Variants in EPB41L4B observed in about 807,000 individuals in gnomAD.
EPB41L4B encodes the protein erythrocyte membrane protein band 4.1 like 4B.
Under a neutral mutation model 112.5 loss-of-function variants are expected in EPB41L4B, and 30 were observed. The ratio of observed to expected loss-of-function variants is 0.27; its 90% CI spans 0.20 to 0.36. The LOEUF (loss-of-function observed/expected upper bound fraction) is 0.36. Among genes scored for constraint, EPB41L4B ranks in the 10% least tolerant of loss-of-function variants. EPB41L4B has a pLI of 1.00. For synonymous variants in EPB41L4B, 408 were observed against 439.7 expected (o/e 0.93, Z 0.90); for missense variants, 1,024 against 1,133.3 (o/e 0.90, Z 1.38).
At chr9:109,247,883 C>A in intron 13 of EPB41L4B, 94 bp from the exon 14 acceptor site, 1 of 1,017,154 alleles carries the variant, frequency 9.8e-7, no homozygotes, top group Non-Finnish European at 1.4e-6. Context: ...ATGAACTATT[C>A]CTATGTGCTA....
At chr9:109,231,244 A>AT in intron 15 of EPB41L4B, among the ~76,000 whole-genome samples, 1 of 152,084 alleles carries the variant, frequency 6.6e-6, no homozygotes, top group South Asian at 2.1e-4. Context: ...AACTTTTCCA[A>AT]TTTGTATTTC....
chr9:109,273,521 A>G (rs1412326733), intron 2 of EPB41L4B, among the ~76,000 whole-genome samples: 1 of 152,172 alleles, frequency 6.6e-6, no homozygotes, highest in Non-Finnish European at 1.5e-5. Context: ...TGCTGGGATT[A>G]CAGACGTGAG....
At chr9:109,286,028 A>C (rs1412261296) in intron 1 of EPB41L4B, among the ~76,000 whole-genome samples, 1 of 152,076 alleles carries the variant, frequency 6.6e-6, no homozygotes, top group Non-Finnish European at 1.5e-5. Context: ...CTCCCTGAGG[A>C]CAGGGACCAG....
rs1293167779 is a variant in EPB41L4B at position 109,173,374 on chromosome 9, G to C, written c.*1180C>G. 1 of 151,642 alleles carries C rather than the reference G, an allele frequency of 6.6e-6. No individual in the cohort carries two copies. The highest frequency in any genetic ancestry group is 1.9e-4 in the East Asian group (1 of 5,184). 9.4% of individuals were successfully genotyped at this position (151,642 alleles called of 1,614,324 possible). On this transcript the variant is annotated 3_prime_UTR_variant, in exon 26 of 26. Coordinates refer to ENST00000374566, the MANE Select transcript of EPB41L4B (RefSeq NM_019114.5). Reference sequence around the variant, plus strand: ...TCTTTGACCTTGTAATCCCTCTTTGGAGATATTCCTAAGGGAATAATCCAA... The same window carrying C: ...TCTTTGACCTTGTAATCCCTCTTTGCAGATATTCCTAAGGGAATAATCCAA...
intron 25 of EPB41L4B, 21 bp from the exon 26 acceptor site, chr9:109,174,644 A>G (rs760976776): frequency 9.3e-6 from 15 of 1,608,180 alleles, no homozygotes; most frequent in Non-Finnish European, 1.3e-5. Context: ...GTATGTGACA[A>G]AATAGTGAGA....
At chr9:109,318,150 C>CGTGTGTGTGTGTGTGTGT (rs3983533) in intron 1 of EPB41L4B, among the ~76,000 whole-genome samples, 1 of 149,482 alleles carries the variant, frequency 6.7e-6, no homozygotes, top group African/African-American at 2.5e-5. Flanking sequence ...GGGGCATATA[C>CGTGTGTGTGTGTGTGTGT]GTGTGTGTGT....
chr9:109,247,875 G>A, intron 13 of EPB41L4B, 86 bp from the exon 14 acceptor site: 1 of 1,102,832 alleles, frequency 9.1e-7, no homozygotes, highest in Non-Finnish European at 1.3e-6. Flanking sequence ...TAACAATCAT[G>A]AACTATTCCT....
At chr9:109,318,096 A>T (rs1239711219) in intron 1 of EPB41L4B, among the ~76,000 whole-genome samples, 3 of 152,010 alleles carry the variant, frequency 2.0e-5, no homozygotes, top group African/African-American at 7.3e-5. Context: ...CTGAGAGCTC[A>T]CGTGACACAA....
At chr9:109,176,042 A>T (rs886272206) in intron 25 of EPB41L4B, among the ~76,000 whole-genome samples, 61 of 32,406 alleles carry the variant, frequency 1.9e-3, no homozygotes, top group South Asian at 3.0e-3. Flanking sequence ...TGTCAATATC[A>T]CACACACGCA....
At chr9:109,283,247 G>A (rs142782275) in intron 1 of EPB41L4B, among the ~76,000 whole-genome samples, 1 of 152,336 alleles carries the variant, frequency 6.6e-6, no homozygotes, top group Non-Finnish European at 1.5e-5. Context: ...GACTTGTGTA[G>A]TGTTACCAGG....
chr9:109,241,918 A>G (rs1209562285), intron 15 of EPB41L4B: 1 of 1,070,000 alleles, frequency 9.3e-7, no homozygotes. Flanking sequence ...ACCATGAGCC[A>G]TGTGAATGGG....
At chr9:109,303,914 A>G (rs1339512413) in intron 1 of EPB41L4B, among the ~76,000 whole-genome samples, 1 of 152,022 alleles carries the variant, frequency 6.6e-6, no homozygotes, top group African/African-American at 2.4e-5. Context: ...TTCTCTTCCT[A>G]TTCAAGCAAC....
At chr9:109,217,910 A>T (rs12379284) in intron 15 of EPB41L4B, among the ~76,000 whole-genome samples, 6 of 84,382 alleles carry the variant, frequency 7.1e-5, no homozygotes, top group Non-Finnish European at 1.6e-4. Context: ...ACCTCCTTTT[A>T]AAAAAAAAAC....
intron 1 of EPB41L4B, among the ~76,000 whole-genome samples, chr9:109,305,682 G>C (rs896181044): frequency 5.9e-5 from 9 of 152,030 alleles, no homozygotes; most frequent in African/African-American, 2.2e-4. Flanking sequence ...TAGCACTTTG[G>C]GAGGCTGCGG....
At chr9:109,201,716 G>T (rs1325216502) in intron 19 of EPB41L4B, among the ~76,000 whole-genome samples, 1 of 152,120 alleles carries the variant, frequency 6.6e-6, no homozygotes, top group Non-Finnish European at 1.5e-5. Flanking sequence ...GCAGAGTGGA[G>T]ACCTGGCTGA....
At chr9:109,290,754 C>T (rs1836494872) in intron 1 of EPB41L4B, among the ~76,000 whole-genome samples, 1 of 141,826 alleles carries the variant, frequency 7.1e-6, no homozygotes, top group Non-Finnish European at 1.5e-5. Context: ...CATATATATA[C>T]CTCACACACA....
At chr9:109,278,302 G>A (rs921863203) in intron 2 of EPB41L4B, among the ~76,000 whole-genome samples, 16 of 152,128 alleles carry the variant, frequency 1.1e-4, no homozygotes, top group African/African-American at 1.7e-4. Context: ...ATAACAGGAC[G>A]TCCTGAAGAT....
At position 109,192,289 on chromosome 9, in the gene EPB41L4B, C is replaced by A; in HGVS notation, c.2290G>T (p.Ala764Ser). 1 of 1,610,060 alleles carries A rather than the reference C, an allele frequency of 6.2e-7. No individual in the cohort carries two copies. The highest frequency in any genetic ancestry group is 8.5e-7 in the Non-Finnish European group (1 of 1,178,158). Residue 764 changes from alanine (A) to serine (S), a missense_variant, in exon 22 of 26, where the codon GCC becomes TCC. Coordinates refer to ENST00000374566, the MANE Select transcript of EPB41L4B (RefSeq NM_019114.5). Reference protein sequence around the residue: ...PGDLLMDFTEATPLAEPASNP... With the variant: ...PGDLLMDFTESTPLAEPASNP... Reference sequence around the variant, plus strand: ...AATAGGAAGTTTACCAGAGGAGTGGCTTCTGTGAAATCCATCAGAAGATCA... The same window carrying A: ...AATAGGAAGTTTACCAGAGGAGTGGATTCTGTGAAATCCATCAGAAGATCA...
intron 20 of EPB41L4B, chr9:109,196,340 G>T (rs1194306891): frequency 6.6e-6 from 1 of 151,972 alleles, no homozygotes; most frequent in Admixed American, 6.6e-5. Flanking sequence ...TTTACACTAT[G>T]TTTAAATAAA....
Sources: allele counts gnomAD v4.1 joint callset (sites outside exome capture counted in the v4.1 genomes callset), GRCh38; gene constraint gnomAD v4.1.1; transcripts MANE v1.5; gene names NCBI Gene and HGNC (gene_info 2026-07-23, HGNC 2026-07-21).